TAF1D: variants seen among roughly 807,000 people sequenced by gnomAD.
TAF1D encodes TATA box-binding protein-associated factor RNA polymerase I subunit D.
TAF1D carries 23 observed loss-of-function variants against 26.2 expected under a neutral mutation model. The ratio of observed to expected loss-of-function variants is 0.88; its 90% CI spans 0.63 to 1.25. The LOEUF (loss-of-function observed/expected upper bound fraction) is 1.25, where lower values mean the gene tolerates loss of function less well. TAF1D is among the 50% of genes most tolerant of loss of function. The probability of loss-of-function intolerance (pLI) is 0.00; values close to 1 mark genes in which losing one functional copy is unlikely to be tolerated. For synonymous variants in TAF1D, 100 were observed against 105.6 expected (o/e 0.95, Z 0.33); for missense variants, 299 against 322.0 (o/e 0.93, Z 0.55).
At chr11:93,738,947 G>A (rs1395842090) in intron 2 of TAF1D, 2 of 446,726 alleles carry the variant, frequency 4.5e-6, no homozygotes, top group Non-Finnish European at 7.9e-6. Flanking sequence ...GAGTGTCTGA[G>A]TAAAACAAAC....
chr11:93,736,242 CTCT>C lies in TAF1D; in HGVS notation c.753_755del (p.Glu252del), dbSNP rs1455395541. The C allele has an allele frequency of 1.1e-5, 17 of 1,613,206 alleles. No homozygotes were observed. Among genetic ancestry groups the C allele is most frequent in the Admixed American group, 3.3e-5 (2 of 59,870 alleles). ...ACAAAGCAGCTTCTTCAGTAATATC[CTCT>C]TCTTCTAAGTATACACTCAGTCTTA... On this transcript the variant is annotated inframe_deletion, in exon 6 of 6. Transcript: ENST00000448108.
chr11:93,740,355 G>C (rs542630698), intron 1 of TAF1D, among the ~76,000 whole-genome samples: 27 of 147,082 alleles, frequency 1.8e-4, no homozygotes, highest in Admixed American at 1.4e-3. Context: ...GATCGCTTAA[G>C]CCGCGGTGGA....
At chr11:93,730,321 C>A in exon 12 of TAF1D, 1 of 1,239,642 alleles carries the variant, frequency 8.1e-7, no homozygotes, top group Non-Finnish European at 1.2e-6. Context: ...TAGCATTAGA[C>A]AAAATTATTT....
downstream of TAF1D, chr11:93,731,912 T>C (rs1249932450): frequency 4.9e-6 from 2 of 409,366 alleles, no homozygotes; most frequent in Non-Finnish European, 9.6e-6. Flanking sequence ...AAAAAAGTGG[T>C]CCTATAAGAG....
Position 93,735,587 on chromosome 11 carries a change from G to T in TAF1D, c.*574C>A. On this transcript the variant is annotated 3_prime_UTR_variant, in exon 6 of 6. Transcript: ENST00000448108. Reference sequence around the variant, plus strand: ...TAAGGAGGCTGAGGCAGAATCGCTTGAACCCGGGAGATGGAGGTTGCAGTA... The same window carrying T: ...TAAGGAGGCTGAGGCAGAATCGCTTTAACCCGGGAGATGGAGGTTGCAGTA... 1 of 686,576 alleles carries T rather than the reference G, an allele frequency of 1.5e-6. No homozygotes were observed. The highest frequency in any genetic ancestry group is 1.8e-6 in the Non-Finnish European group (1 of 553,838). The allele number at this position is 686,576 out of a possible 1,614,324, so 42.5% of individuals were successfully genotyped here. A position where few individuals can be genotyped will look rare whatever the true frequency, so the allele number is the denominator to read the frequency against.
chr11:93,738,254 G>A lies in TAF1D; in HGVS notation c.314C>T (p.Pro105Leu), dbSNP rs1941182015. The A allele has an allele frequency of 3.1e-6, 5 of 1,612,414 alleles. No individual in the cohort carries two copies. The African/African-American group carries it at 6.7e-5, about 22-fold the overall frequency. The change falls in exon 3 of 6, where the codon CCA becomes CTA. Residue 105 changes from proline to leucine, a missense_variant. By Grantham distance (98) the Pro-to-Leu change is moderately conservative. Transcript: ENST00000448108. ...KKRRYQPTGR[P>L]RGRPEGRRNP... is the part of the protein sequence containing the mutation. ...TCTCCTTCCTTCTGGTCTTCCCCGTGGTCTTCCTGTTGGCTGGTACCTCCT... is the reference window on the plus strand; with the variant it reads ...TCTCCTTCCTTCTGGTCTTCCCCGTAGTCTTCCTGTTGGCTGGTACCTCCT...
At chr11:93,739,446 A>C in intron 1 of TAF1D, 115 bp from the exon 2 acceptor site, 1 of 607,476 alleles carries the variant, frequency 1.6e-6, no homozygotes, top group Non-Finnish European at 2.8e-6. Flanking sequence ...ATCATTTACC[A>C]AGGTTAAGCT....
intron 3 of TAF1D, 29 bp from the exon 4 acceptor site, chr11:93,737,268 C>T (rs776560670): frequency 3.3e-6 from 5 of 1,509,258 alleles, no homozygotes; most frequent in African/African-American, 1.4e-5. Context: ...ATAAGTATGT[C>T]GAGATTTTAT....
chr11:93,730,299 ATT>A, exon 12 of TAF1D: 2 of 1,429,384 alleles, frequency 1.4e-6, no homozygotes, highest in Non-Finnish European at 1.9e-6. Flanking sequence ...AGGTTTTTTA[ATT>A]GTGTATATGT....
In TAF1D at chr11:93,735,951, T is replaced by C; in HGVS notation, c.*210A>G. ...AAATTTTTCTATGTATTTTCTCTGG[T>C]GTTTTAATGGTTTTTTTTCTAATTA... On this transcript the variant is annotated 3_prime_UTR_variant, in exon 6 of 6. Coordinates refer to ENST00000448108, the MANE Select transcript of TAF1D (RefSeq NM_024116.4). 1 of 1,323,026 alleles carries C rather than the reference T, an allele frequency of 7.6e-7. No individual in the cohort carries two copies. The allele number at this position is 1,323,026 out of a possible 1,614,324, so 82.0% of individuals were successfully genotyped here.
chr11:93,736,453 T>A (rs1456238883), intron 5 of TAF1D, 149 bp from the exon 6 acceptor site: 145 of 1,423,028 alleles, frequency 1.0e-4, no homozygotes, highest in Admixed American at 2.3e-4. Context: ...TATTTTTTCA[T>A]TTGACATCCT....
At chr11:93,734,989 C>G, downstream of TAF1D, 1 of 1,197,014 alleles carries the variant, frequency 8.4e-7, no homozygotes, top group Non-Finnish European at 1.1e-6. Context: ...GTCTTGAACT[C>G]CTGGTTTCAA....
intron 4 of TAF1D, 29 bp from the exon 5 acceptor site, chr11:93,736,780 G>T (rs750263565): frequency 7.5e-6 from 12 of 1,590,374 alleles, no homozygotes; most frequent in African/African-American, 4.1e-5. Flanking sequence ...TCATCGAGAT[G>T]ACAGAATCTT....
chr11:93,741,468 A>C lies in TAF1D; in HGVS notation c.-174T>G. On this transcript the variant is annotated 5_prime_UTR_variant, in exon 1 of 6. Transcript: ENST00000448108. ...CCCTCCAACTCCCGATAACCAGCCGACCTCCTCCAACCGTGCGGAAGAAAA... is the reference window on the plus strand; with the variant it reads ...CCCTCCAACTCCCGATAACCAGCCGCCCTCCTCCAACCGTGCGGAAGAAAA... 2 of 455,952 alleles carry C rather than the reference A, an allele frequency of 4.4e-6. No individual in the cohort carries two copies. The highest frequency in any genetic ancestry group is 1.5e-5 in the South Asian group (1 of 64,550). 28.2% of individuals were successfully genotyped at this position (455,952 alleles called of 1,614,324 possible).
chr11:93,736,583 G>A, intron 5 of TAF1D, 111 bp downstream of exon 5: 1 of 1,475,258 alleles, frequency 6.8e-7, no homozygotes, highest in South Asian at 1.5e-5. Context: ...TAAACTTATA[G>A]AGCTTTTCAA....
At chr11:93,740,588 G>C (rs192815324) in intron 1 of TAF1D, among the ~76,000 whole-genome samples, 1 of 151,818 alleles carries the variant, frequency 6.6e-6, no homozygotes, top group Non-Finnish European at 1.5e-5. Flanking sequence ...TAAATCCTAG[G>C]ATGAACTAGC....
Position 93,741,486 on chromosome 11 carries a change from G to T in TAF1D, c.-192C>A, listed in dbSNP as rs1235669612. On this transcript the variant is annotated 5_prime_UTR_variant, in exon 1 of 6. Coordinates refer to ENST00000448108, the MANE Select transcript of TAF1D (RefSeq NM_024116.4). ...CCAGCCGACCTCCTCCAACCGTGCGGAAGAAAAGGGTTGGCTATTTCCGTG... is the reference window on the plus strand; with the variant it reads ...CCAGCCGACCTCCTCCAACCGTGCGTAAGAAAAGGGTTGGCTATTTCCGTG... The T allele has an allele frequency of 2.2e-6, 1 of 456,142 alleles. No homozygotes were observed. Among genetic ancestry groups the T allele is most frequent in the East Asian group, 7.0e-5 (1 of 14,370 alleles). 28.3% of individuals were successfully genotyped at this position (456,142 alleles called of 1,614,324 possible).
chr11:93,738,280 C>CT lies in TAF1D; in HGVS notation c.287dup (p.Arg97GlufsTer26). ...GTCTTCCTGTTGGCTGGTACCTCCTCTTTTTCTTTTTTTTATATCTCTTTT... is the reference window on the plus strand; with the variant it reads ...GTCTTCCTGTTGGCTGGTACCTCCTCTTTTTTCTTTTTTTTATATCTCTTTT... On this transcript the variant is annotated frameshift_variant, in exon 3 of 6. Transcript: ENST00000448108. LOFTEE classifies it high-confidence loss of function. The CT allele has an allele frequency of 4.3e-6, 7 of 1,611,098 alleles. No individual in the cohort carries two copies. The highest frequency in any genetic ancestry group is 5.9e-6 in the Non-Finnish European group (7 of 1,179,364).
chr11:93,741,242 A>C (rs1034999127), intron 1 of TAF1D, 80 bp downstream of exon 1: 5 of 445,974 alleles, frequency 1.1e-5, no homozygotes, highest in African/African-American at 1.0e-4. Flanking sequence ...GGACCAACGA[A>C]GGGGCCCCGG....
Sources: gnomAD v4.1 joint callset for allele counts (sites outside exome capture counted in the v4.1 genomes callset) on GRCh38, gnomAD v4.1.1 for gene constraint, MANE v1.5 for transcripts, NCBI Gene and HGNC (gene_info 2026-07-23, HGNC 2026-07-21) for gene names.